The following PARD3B variants were observed in gnomAD, a reference collection of about 807,000 sequenced individuals.
PARD3B encodes partitioning defective 3 homolog B.
Under a neutral mutation model 130.2 loss-of-function variants are expected in PARD3B, and 103 were observed. The observed-to-expected ratio is 0.79, with a 90% CI of 0.67 to 0.93. The LOEUF (loss-of-function observed/expected upper bound fraction) is 0.93, where lower values mean the gene tolerates loss of function less well. Ranked by LOEUF, PARD3B falls within the 40% of genes least tolerant of loss-of-function variation. PARD3B has a pLI of 0.00. For missense variants in PARD3B, 1,609 were observed against 1,499.2 expected (o/e 1.07, Z -1.21); for synonymous variants, 583 against 553.2 (o/e 1.05, Z -0.76).
At chr2:204,640,653 C>T (rs1362161217) in intron 1 of PARD3B, among the ~76,000 whole-genome samples, 1 of 152,116 alleles carries the variant, frequency 6.6e-6, no homozygotes, top group African/African-American at 2.4e-5. Flanking sequence ...GTGAATAGGT[C>T]CTTCATTAAC....
intron 2 of PARD3B, among the ~76,000 whole-genome samples, chr2:204,708,140 A>C (rs1246808451): frequency 6.6e-6 from 1 of 152,092 alleles, no homozygotes; most frequent in Admixed American, 6.6e-5. Context: ...AAATATTCTA[A>C]TTATAGAGAC....
intron 16 of PARD3B, among the ~76,000 whole-genome samples, chr2:205,282,942 C>T (rs2041247626): frequency 6.6e-6 from 1 of 152,186 alleles, no homozygotes; most frequent in Non-Finnish European, 1.5e-5. Context: ...CTGATCAATA[C>T]AGCTGAGCCC....
intron 20 of PARD3B, among the ~76,000 whole-genome samples, chr2:205,493,713 CATTTATGTATGT>C (rs199972236): frequency 0.28 from 41,265 of 146,646 alleles, 6,863 homozygotes; most frequent in East Asian, 0.38. Context: ...CATTTCTTTT[CATTTATGTATGT>C]ATTTATTTAT....
chr2:205,142,039 C>T lies in PARD3B; in HGVS notation c.1434+16302C>T, dbSNP rs1178404242. Among the ~76,000 whole-genome samples, 2 of 152,086 alleles carry T rather than the reference C, an allele frequency of 1.3e-5. No homozygotes were observed. Among genetic ancestry groups the T allele is most frequent in the Non-Finnish European group, 2.9e-5 (2 of 68,014 alleles). ...GGCATAAACATAAAAATGGAGTGGT[C>T]TCTGTTGCCCTTAAAGTCCTTAAAG... is the stretch of plus-strand genomic sequence containing the variant. On this transcript the variant is annotated intron_variant, in intron 10 of 22. Transcript: ENST00000406610. The surrounding 1 kb of genome is among the most constrained non-coding windows in gnomAD (Gnocchi z 4.3).
At chr2:204,761,275 T>A (rs1445274884) in intron 2 of PARD3B, among the ~76,000 whole-genome samples, 1 of 152,206 alleles carries the variant, frequency 6.6e-6, no homozygotes, top group Non-Finnish European at 1.5e-5. Context: ...TCAGCTTCAT[T>A]AAGGTTCAGT....
chr2:204,997,852 AT>A (rs1332007837), intron 3 of PARD3B, among the ~76,000 whole-genome samples: 1 of 149,570 alleles, frequency 6.7e-6, no homozygotes, highest in Non-Finnish European at 1.5e-5. Flanking sequence ...TTTTATATTA[AT>A]TTATACTTGT....
chr2:204,604,851 A>G (rs1200158947), intron 1 of PARD3B, among the ~76,000 whole-genome samples: 7 of 151,940 alleles, frequency 4.6e-5, no homozygotes, highest in Admixed American at 1.3e-4. Flanking sequence ...AGGAATTTGG[A>G]TGGGGTATTC....
intron 16 of PARD3B, among the ~76,000 whole-genome samples, chr2:205,270,743 T>C (rs928445059): frequency 1.3e-5 from 2 of 152,124 alleles, no homozygotes; most frequent in Admixed American, 1.3e-4. Flanking sequence ...TCTCTGGGAT[T>C]CTTCCACTTG....
In PARD3B at chr2:205,125,708, C is replaced by T; in HGVS notation, c.1405C>T (p.Gln469Ter). 2.5e-6 allele frequency: 4 copies of T among 1,614,112 alleles called. No individual in the cohort carries two copies. The highest frequency in any genetic ancestry group is 3.4e-6 in the Non-Finnish European group (4 of 1,180,028). ...GETASLVIARQEGHFLPRELK... is the reference protein window; with the variant it reads ...GETASLVIAR ...GACAGCATCGCTGGTCATTGCCCGC[C>T]AAGAAGGACATTTTCTGCCCCGAGA... is the stretch of plus-strand genomic sequence containing the variant. Residue 469 changes from glutamine (Q) to a stop codon, truncating the protein, a stop_gained, in exon 10 of 23, where the codon CAA becomes TAA. Coordinates refer to ENST00000406610, the MANE Select transcript of PARD3B (RefSeq NM_001302769.2). LOFTEE classifies it high-confidence loss of function. This position sits in a 1 kb window ranked among gnomAD's most constrained non-coding sequence, Gnocchi z 4.0.
chr2:205,237,259 C>G (rs762006592), intron 15 of PARD3B, among the ~76,000 whole-genome samples: 12 of 152,084 alleles, frequency 7.9e-5, no homozygotes, highest in Non-Finnish European at 1.2e-4. Flanking sequence ...ACCACCACGC[C>G]AGGCTAATTT....
chr2:205,135,231 G>A (rs1237268469), intron 10 of PARD3B, among the ~76,000 whole-genome samples: 1 of 152,214 alleles, frequency 6.6e-6, no homozygotes, highest in Non-Finnish European at 1.5e-5. Flanking sequence ...TTTGGAGCAA[G>A]CTGGATAAGA....
intron 15 of PARD3B, among the ~76,000 whole-genome samples, chr2:205,214,690 C>T (rs2037822956): frequency 6.6e-6 from 1 of 151,978 alleles, no homozygotes; most frequent in Admixed American, 6.6e-5. Context: ...TTACTGTCAC[C>T]TCATATGCTA....
intron 15 of PARD3B, among the ~76,000 whole-genome samples, chr2:205,217,713 TATATACACACATACATATAC>T (rs2037988759): frequency 6.6e-6 from 1 of 150,760 alleles, no homozygotes; most frequent in Admixed American, 6.6e-5. Flanking sequence ...CATACATATA[TATATACACACATACATATAC>T]ACATATATGT....
chr2:204,795,990 C>A (rs1184572474), intron 2 of PARD3B, among the ~76,000 whole-genome samples: 1 of 152,054 alleles, frequency 6.6e-6, no homozygotes, highest in Non-Finnish European at 1.5e-5. Flanking sequence ...CCTAATCACT[C>A]TACATGTTTT....
intron 16 of PARD3B, among the ~76,000 whole-genome samples, chr2:205,284,847 T>G (rs2041328919): frequency 6.6e-6 from 1 of 152,160 alleles, no homozygotes; most frequent in African/African-American, 2.4e-5. Flanking sequence ...CTATATCTAG[T>G]GCCAATAACT....
In PARD3B at chr2:205,338,178, A is replaced by AAC. The variant is rs35707832; in HGVS notation, c.2630+36477_2630+36478insAC. Among the ~76,000 whole-genome samples, 51 of 123,550 alleles carry AAC rather than the reference A, an allele frequency of 4.1e-4. 5 individuals are homozygous for AAC. The highest frequency in any genetic ancestry group is 1.7e-3 in the South Asian group (6 of 3,590). The allele number at this position is 123,550 out of a possible 152,430, so 81.1% of individuals were successfully genotyped here. On this transcript the variant is annotated intron_variant, in intron 18 of 22. Coordinates refer to ENST00000406610, the MANE Select transcript of PARD3B (RefSeq NM_001302769.2). The stretch of plus-strand genomic sequence containing the variant: ...AAAAAAAAAAAAAAAAAAAAAAAAA[A>AAC]GGCTTCATGAGGTGTTTTTGTCATC...
chr2:205,118,388 T>A (rs1013910905), intron 6 of PARD3B, among the ~76,000 whole-genome samples: 1 of 152,204 alleles, frequency 6.6e-6, no homozygotes, highest in Admixed American at 6.5e-5. Context: ...ACCCAACACA[T>A]ACTTGATTTG....
intron 21 of PARD3B, among the ~76,000 whole-genome samples, chr2:205,529,160 G>A (rs1014949681): frequency 6.6e-6 from 1 of 152,210 alleles, no homozygotes; most frequent in Non-Finnish European, 1.5e-5. Context: ...TCCAGGAAAA[G>A]AGCTTGGCAT....
intron 20 of PARD3B, among the ~76,000 whole-genome samples, chr2:205,445,183 T>C (rs2047862761): frequency 6.6e-6 from 1 of 152,106 alleles, no homozygotes; most frequent in Non-Finnish European, 1.5e-5. Flanking sequence ...TTGCCCAAGG[T>C]CACACAGCAT....
Sources: gnomAD v4.1 joint callset for allele counts (sites outside exome capture counted in the v4.1 genomes callset) on GRCh38, gnomAD v4.1.1 for gene constraint, Gnocchi (gnomAD v3.1) non-coding constraint, MANE v1.5 for transcripts, NCBI Gene and HGNC (gene_info 2026-07-23, HGNC 2026-07-21) for gene names.